The following ANKRD11 variants were observed in gnomAD, a reference collection of about 807,000 sequenced individuals.
ANKRD11 encodes the protein ankyrin repeat domain-containing protein 11.
In ANKRD11, 17 loss-of-function variants were observed where a neutral mutation model predicts 195.7. The ratio of observed to expected loss-of-function variants is 0.09; its 90% CI spans 0.06 to 0.13. The LOEUF (loss-of-function observed/expected upper bound fraction) is 0.13. Ranked by LOEUF, ANKRD11 falls within the 10% of genes least tolerant of loss-of-function variation. ANKRD11 has a pLI of 1.00. For missense variants in ANKRD11, 3,735 were observed against 3,566.1 expected, an observed-to-expected ratio of 1.05 and a Z score of -1.21; for synonymous variants, 1,953 against 1,528.1, an observed-to-expected ratio of 1.28 and a Z score of -6.49.
chr16:89,460,734 C>T (rs1186154427), intron 1 of ANKRD11, among the ~76,000 whole-genome samples: 1 of 152,134 alleles, frequency 6.6e-6, no homozygotes, highest in Non-Finnish European at 1.5e-5. Context: ...AAGACTCTGT[C>T]TCAAAAATAA....
intron 6 of ANKRD11, among the ~76,000 whole-genome samples, chr16:89,289,241 A>G (rs2034866472): frequency 6.6e-6 from 1 of 152,196 alleles, no homozygotes; most frequent in South Asian, 2.1e-4. Flanking sequence ...GCCCCACGGA[A>G]GCACACGGCA....
At chr16:89,299,206 G>A (rs1411062134) in intron 4 of ANKRD11, 1 of 160,178 alleles carries the variant, frequency 6.2e-6, no homozygotes, top group Non-Finnish European at 1.4e-5. Flanking sequence ...GAGGTTTCTA[G>A]GGAAGGAGAT....
intron 2 of ANKRD11, among the ~76,000 whole-genome samples, chr16:89,318,473 C>A (rs555539844): frequency 1.3e-5 from 2 of 152,206 alleles, no homozygotes; most frequent in South Asian, 2.1e-4. Flanking sequence ...GCGACCATGC[C>A]GGGAGAAGCA....
intron 6 of ANKRD11, chr16:89,289,011 G>T: frequency 2.5e-6 from 1 of 395,274 alleles, no homozygotes. Flanking sequence ...GGAGGCGTAT[G>T]TGCCTTTGCA....
chr16:89,380,416 G>T (rs547336497), intron 2 of ANKRD11, among the ~76,000 whole-genome samples: 2 of 152,202 alleles, frequency 1.3e-5, no homozygotes, highest in South Asian at 4.1e-4. Context: ...CCAGCCCAAT[G>T]ATGCCATTTT....
In ANKRD11 at chr16:89,340,892, G is replaced by A. The variant is rs538214643; in HGVS notation, c.-59-23814C>T. Among the ~76,000 whole-genome samples the A allele has an allele frequency of 9.9e-5, 15 of 152,262 alleles. No homozygotes were observed. In the South Asian group the frequency reaches 2.1e-3, roughly 21 times the overall value. On this transcript the variant is annotated intron_variant, in intron 2 of 12. Transcript: ENST00000301030. Reference sequence around the variant, plus strand: ...CTCAGAGAGTCCAGACCTGAAAAACGTTTAGGAAGGCACCTTTTCAATGTC... The same window carrying A: ...CTCAGAGAGTCCAGACCTGAAAAACATTTAGGAAGGCACCTTTTCAATGTC...
At chr16:89,419,853 A>C (rs2152237364) in intron 1 of ANKRD11, among the ~76,000 whole-genome samples, 1 of 152,206 alleles carries the variant, frequency 6.6e-6, no homozygotes, top group East Asian at 1.9e-4. Context: ...GATTGTTCAA[A>C]GCTGCCATTA....
chr16:89,325,465 T>A (rs1226222629), intron 2 of ANKRD11, among the ~76,000 whole-genome samples: 5 of 139,446 alleles, frequency 3.6e-5, no homozygotes, highest in African/African-American at 1.5e-4. Context: ...TCTCTCTCTC[T>A]CTCTCACACA....
chr16:89,459,877 G>A (rs1458754604), intron 1 of ANKRD11, among the ~76,000 whole-genome samples: 1 of 151,568 alleles, frequency 6.6e-6, no homozygotes, highest in Non-Finnish European at 1.5e-5. Context: ...AGATTGCAGT[G>A]AGCCAATTTC....
At chr16:89,378,590 A>G (rs906809664) in intron 2 of ANKRD11, among the ~76,000 whole-genome samples, 2 of 152,214 alleles carry the variant, frequency 1.3e-5, no homozygotes, top group African/African-American at 4.8e-5. Context: ...CTGAGAACAC[A>G]CAACTGGCCA....
chr16:89,389,089 G>A (rs1266027859), intron 2 of ANKRD11, among the ~76,000 whole-genome samples: 1 of 152,184 alleles, frequency 6.6e-6, no homozygotes, highest in Non-Finnish European at 1.5e-5. Flanking sequence ...CAGTGCTGGA[G>A]TGCAGTGGTA....
chr16:89,358,380 C>T (rs1470326090), intron 2 of ANKRD11, among the ~76,000 whole-genome samples: 2 of 152,246 alleles, frequency 1.3e-5, no homozygotes, highest in African/African-American at 2.4e-5. Flanking sequence ...ACATGCACAG[C>T]TTAGCGACCA....
At chr16:89,357,374 G>A (rs1024328698) in intron 2 of ANKRD11, among the ~76,000 whole-genome samples, 2 of 152,286 alleles carry the variant, frequency 1.3e-5, no homozygotes, top group Non-Finnish European at 2.9e-5. Context: ...GAACCAGGGG[G>A]CAGGTGAGCT....
At chr16:89,437,711 GC>G (rs1206720949) in intron 1 of ANKRD11, among the ~76,000 whole-genome samples, 1 of 152,132 alleles carries the variant, frequency 6.6e-6, no homozygotes, top group Non-Finnish European at 1.5e-5. Flanking sequence ...AGGCTGTGGT[GC>G]CCTGGCCACT....
In ANKRD11 at chr16:89,282,378, G is replaced by A. The variant is rs1185105634; in HGVS notation, c.4164C>T (p.Asp1388=). 2 of 1,614,034 alleles carry A rather than the reference G, an allele frequency of 1.2e-6. No homozygotes were observed. The highest frequency in any genetic ancestry group is 1.3e-5 in the African/African-American group (1 of 74,904). Residue 1388 remains aspartate, a synonymous_variant, in exon 9 of 13, where the codon GAC becomes GAT. Transcript: ENST00000301030. ...GGAAGTCCTTTTCGTACTGGCCGGAGTCCTTCCTGCTACCGCCCTCCTTGT... is the reference window on the plus strand; with the variant it reads ...GGAAGTCCTTTTCGTACTGGCCGGAATCCTTCCTGCTACCGCCCTCCTTGT... ...EDYKEGGSRK[D]SGQYEKDFLE...
rs1266881050 is a variant in ANKRD11, at chr16:89,279,699, T to C, written c.6843A>G (p.Gln2281=). 5 of 1,509,724 alleles carry C rather than the reference T, an allele frequency of 3.3e-6. No individual in the cohort carries two copies. In the Admixed American group the frequency reaches 1.0e-4, roughly 31 times the overall value. The allele number at this position is 1,509,724 out of a possible 1,614,324, so 93.5% of individuals were successfully genotyped here. A position where few individuals can be genotyped will look rare whatever the true frequency, so the allele number is the denominator to read the frequency against. The stretch of plus-strand genomic sequence containing the variant: ...GGCCGGCACCGTCTGCGGCCTGAGC[T>C]TGTGCCACAGTGTTCGGGGCGGGGC... The part of the protein sequence containing the change: ...PDGPAPNTVA[Q]AQAADGAGPE... The change falls in exon 9 of 13, where the codon CAA becomes CAG. Residue 2281 remains glutamine (Q), a synonymous_variant. Transcript: ENST00000301030. The surrounding 1 kb of genome is among the most constrained non-coding windows in gnomAD (Gnocchi z 5.6).
chr16:89,359,761 T>C (rs1406441648), intron 2 of ANKRD11, among the ~76,000 whole-genome samples: 1 of 152,174 alleles, frequency 6.6e-6, no homozygotes, highest in Admixed American at 6.5e-5. Context: ...CAGAAGATGT[T>C]TGCATTTTAG....
Position 89,286,171 on chromosome 16 carries a change from G to A in ANKRD11, c.760C>T (p.Leu254=), listed in dbSNP as rs367897081. The change falls in exon 8 of 13, where the codon CTG becomes TTG. Residue 254 remains leucine, a synonymous_variant. Transcript: ENST00000301030. Reference sequence around the variant, plus strand: ...TGCTGCGGGTTCCCTCCGTACCGCAGCAGCAGCTTCACCACCTACAAGACA... The same window carrying A: ...TGCTGCGGGTTCCCTCCGTACCGCAACAGCAGCTTCACCACCTACAAGACA... The part of the protein sequence containing the change: ...NGHYKVVKLL[L]RYGGNPQQSN... 2.5e-6 allele frequency: 4 copies of A among 1,613,794 alleles called. No homozygotes were observed. In the East Asian group the frequency reaches 6.7e-5, roughly 27 times the overall value.
At chr16:89,347,106 C>T (rs537310929) in intron 2 of ANKRD11, among the ~76,000 whole-genome samples, 6 of 151,754 alleles carry the variant, frequency 4.0e-5, no homozygotes, top group African/African-American at 1.5e-4. Flanking sequence ...CTCCTAGGCC[C>T]GTGGAGGTGT....
Sources: allele counts gnomAD v4.1 joint callset (sites outside exome capture counted in the v4.1 genomes callset), GRCh38; gene constraint gnomAD v4.1.1; non-coding constraint Gnocchi (gnomAD v3.1); transcripts MANE v1.5; gene names NCBI Gene and HGNC (gene_info 2026-07-23, HGNC 2026-07-21).